CNKSR3: variants seen among roughly 807,000 people sequenced by gnomAD.
The protein encoded by CNKSR3 is CNKSR family member 3.
In CNKSR3, 36 loss-of-function variants were observed where a neutral mutation model predicts 67.7. The ratio of observed to expected loss-of-function variants is 0.53; its 90% CI spans 0.41 to 0.70. The LOEUF (loss-of-function observed/expected upper bound fraction) is 0.70, where lower values mean the gene tolerates loss of function less well. Among genes scored for constraint, CNKSR3 ranks in the 30% least tolerant of loss-of-function variants. The pLI is 0.00. For missense variants in CNKSR3, 630 were observed against 695.2 expected (o/e 0.91, Z 1.05); for synonymous variants, 281 against 271.4 (o/e 1.04, Z -0.35).
chr6:154,506,190 G>A (rs554946518), intron 1 of CNKSR3, among the ~76,000 whole-genome samples: 21 of 150,806 alleles, frequency 1.4e-4, no homozygotes, highest in Non-Finnish European at 3.1e-4. Flanking sequence ...TTTCCTTTCT[G>A]ACCAAACTCC....
chr6:154,486,289 C>CTT lies in CNKSR3; in HGVS notation c.52+23773_52+23774insAA, dbSNP rs1480566559. ...TACAACTGTCTTCTCTTTTCTCTCTCTCTCTTTTTCTTTTTTTTTTTTTTT... is the reference window on the plus strand; with the variant it reads ...TACAACTGTCTTCTCTTTTCTCTCTCTTTCTCTTTTTCTTTTTTTTTTTTTTT... On this transcript the variant is annotated intron_variant, in intron 1 of 12. Coordinates refer to ENST00000607772, the MANE Select transcript of CNKSR3 (RefSeq NM_173515.4). Among the ~76,000 whole-genome samples the CTT allele has an allele frequency of 3.5e-3, 520 of 149,912 alleles. 5 individuals are homozygous for CTT. Among genetic ancestry groups the CTT allele is most frequent in the African/African-American group, 0.011 (427 of 40,266 alleles).
intron 1 of CNKSR3, among the ~76,000 whole-genome samples, chr6:154,468,377 GC>G (rs989140077): frequency 8.2e-5 from 11 of 134,928 alleles, no homozygotes; most frequent in African/African-American, 3.1e-4. Context: ...ACTGCACCCA[GC>G]CCATATATAT....
chr6:154,443,042 C>A (rs1389360226), intron 2 of CNKSR3, among the ~76,000 whole-genome samples: 1 of 152,044 alleles, frequency 6.6e-6, no homozygotes, highest in Non-Finnish European at 1.5e-5. Flanking sequence ...GGATTACAGG[C>A]GCGCACCACC....
rs1321628219 is a variant in CNKSR3, at chr6:154,387,539, A to G, written c.*18815T>C. The G allele has an allele frequency of 1.3e-5, 2 of 152,234 alleles. No homozygotes were observed. Among genetic ancestry groups the G allele is most frequent in the East Asian group, 1.9e-4 (1 of 5,198 alleles). The allele number at this position is 152,234 out of a possible 1,614,324, so 9.4% of individuals were successfully genotyped here. ...ATGAAATAAAGATGTTTTATTATGT[A>G]CATTAGTTAATGAGGCACAGGAAAG... is the stretch of plus-strand genomic sequence containing the variant. On this transcript the variant is annotated 3_prime_UTR_variant, in exon 13 of 13. Transcript: ENST00000607772.
intron 1 of CNKSR3, among the ~76,000 whole-genome samples, chr6:154,476,234 A>G (rs1786446037): frequency 6.6e-6 from 1 of 152,066 alleles, no homozygotes; most frequent in East Asian, 1.9e-4. Flanking sequence ...AGGTGGATGG[A>G]TCACCCGAGG....
chr6:154,458,932 T>C (rs1240805796), intron 1 of CNKSR3, among the ~76,000 whole-genome samples: 2 of 152,282 alleles, frequency 1.3e-5, no homozygotes, highest in African/African-American at 4.8e-5. Flanking sequence ...TAAAGATCCA[T>C]AGTTCCAACA....
chr6:154,429,044 G>A (rs1724808991), intron 6 of CNKSR3, among the ~76,000 whole-genome samples: 1 of 152,184 alleles, frequency 6.6e-6, no homozygotes, highest in African/African-American at 2.4e-5. Flanking sequence ...TCTCTCCTCA[G>A]AGGCCTGAGA....
At chr6:154,460,597 A>C (rs1301338660) in intron 1 of CNKSR3, among the ~76,000 whole-genome samples, 1 of 152,180 alleles carries the variant, frequency 6.6e-6, no homozygotes, top group Non-Finnish European at 1.5e-5. Context: ...CTTGGACCAA[A>C]CAAGGGGAGG....
intron 9 of CNKSR3, among the ~76,000 whole-genome samples, chr6:154,417,637 G>T (rs1480890914): frequency 6.6e-6 from 1 of 152,148 alleles, no homozygotes; most frequent in Non-Finnish European, 1.5e-5. Context: ...AGGAGATAGG[G>T]TCTCTAAAGA....
intron 4 of CNKSR3, among the ~76,000 whole-genome samples, chr6:154,435,518 C>T (rs943103053): frequency 6.6e-6 from 1 of 152,194 alleles, no homozygotes; most frequent in Non-Finnish European, 1.5e-5. Context: ...GAGCTTCCCG[C>T]CTCCCAAATT....
At chr6:154,506,355 A>G (rs1266190225) in intron 1 of CNKSR3, among the ~76,000 whole-genome samples, 1 of 152,236 alleles carries the variant, frequency 6.6e-6, no homozygotes, top group Non-Finnish European at 1.5e-5. Flanking sequence ...AAAGAAGAAA[A>G]GAAACAAAAG....
chr6:154,392,387 C>T lies in CNKSR3; in HGVS notation c.*13967G>A, dbSNP rs933589452. Reference sequence around the variant, plus strand: ...ATGTAAACCTTTTTTTGCCAACAGACATTGGGCTGTGTTCTACAAAGGCAG... The same window carrying T: ...ATGTAAACCTTTTTTTGCCAACAGATATTGGGCTGTGTTCTACAAAGGCAG... On this transcript the variant is annotated 3_prime_UTR_variant, in exon 13 of 13. Coordinates refer to ENST00000607772, the MANE Select transcript of CNKSR3 (RefSeq NM_173515.4). 1 of 152,158 alleles carries T rather than the reference C, an allele frequency of 6.6e-6. No individual in the cohort carries two copies. Among genetic ancestry groups the T allele is most frequent in the Non-Finnish European group, 1.5e-5 (1 of 68,040 alleles). The allele number at this position is 152,158 out of a possible 1,614,324, so 9.4% of individuals were successfully genotyped here. A position where few individuals can be genotyped will look rare whatever the true frequency, so the allele number is the denominator to read the frequency against.
chr6:154,495,297 T>C (rs1462900201), intron 1 of CNKSR3, among the ~76,000 whole-genome samples: 4 of 152,072 alleles, frequency 2.6e-5, no homozygotes, highest in African/African-American at 9.7e-5. Flanking sequence ...TTGAGATTGG[T>C]ATCTGTAAAT....
chr6:154,471,747 C>T (rs1786334364), intron 1 of CNKSR3, among the ~76,000 whole-genome samples: 2 of 152,134 alleles, frequency 1.3e-5, no homozygotes. Flanking sequence ...ACAGTAGTTC[C>T]CTGTCACGTT....
chr6:154,423,701 G>A (rs1785194791), intron 7 of CNKSR3, among the ~76,000 whole-genome samples: 3 of 152,066 alleles, frequency 2.0e-5, no homozygotes, highest in Admixed American at 6.6e-5. Flanking sequence ...CTGTCATCTC[G>A]TTTCCTTATT....
chr6:154,471,358 T>C (rs1419910618), intron 1 of CNKSR3, among the ~76,000 whole-genome samples: 1 of 152,006 alleles, frequency 6.6e-6, no homozygotes, highest in Non-Finnish European at 1.5e-5. Context: ...GCCAACATGG[T>C]GAAACCCCAT....
chr6:154,399,898 G>A lies in CNKSR3; in HGVS notation c.*6456C>T, dbSNP rs1784698144. 1 of 152,016 alleles carries A rather than the reference G, an allele frequency of 6.6e-6. No individual in the cohort carries two copies. The allele number at this position is 152,016 out of a possible 1,614,324, so 9.4% of individuals were successfully genotyped here. Reference sequence around the variant, plus strand: ...AAAGTTAAATCCTCCCCTTTAATGGGTCTAGTCAGTGGAAGAACATTTCTC... The same window carrying A: ...AAAGTTAAATCCTCCCCTTTAATGGATCTAGTCAGTGGAAGAACATTTCTC... On this transcript the variant is annotated 3_prime_UTR_variant, in exon 13 of 13. Transcript: ENST00000607772.
In CNKSR3 at chr6:154,393,272, G is replaced by T. The variant is rs1283573693; in HGVS notation, c.*13082C>A. On this transcript the variant is annotated 3_prime_UTR_variant, in exon 13 of 13. Transcript: ENST00000607772. ...AGGAATGAAACTGCTGAGTCATAGG[G>T]TATGTGAATACTCACTGCTAATTTA... 1 of 152,112 alleles carries T rather than the reference G, an allele frequency of 6.6e-6. No homozygotes were observed. The highest frequency in any genetic ancestry group is 1.5e-5 in the Non-Finnish European group (1 of 68,018). The allele number at this position is 152,112 out of a possible 1,614,324, so 9.4% of individuals were successfully genotyped here.
intron 1 of CNKSR3, among the ~76,000 whole-genome samples, chr6:154,508,028 C>T (rs995149510): frequency 3.3e-5 from 5 of 151,810 alleles, no homozygotes; most frequent in African/African-American, 7.3e-5. Flanking sequence ...TCTTCCTGTG[C>T]GCCTGTTACC....
Sources: gnomAD v4.1 joint callset for allele counts (sites outside exome capture counted in the v4.1 genomes callset) on GRCh38, gnomAD v4.1.1 for gene constraint, MANE v1.5 for transcripts, NCBI Gene and HGNC (gene_info 2026-07-23, HGNC 2026-07-21) for gene names.